Variants in KCNA2 observed in about 807,000 individuals in gnomAD.
KCNA2 encodes potassium channel, voltage gated shaker related subfamily A, member 2.
A neutral mutation model predicts 33.4 loss-of-function variants in KCNA2; 11 were observed. That is an observed-to-expected ratio of 0.33 (90% confidence interval 0.21 to 0.55). The LOEUF is 0.55. Among genes scored for constraint, KCNA2 ranks in the 20% least tolerant of loss-of-function variants. The pLI is 0.93. For missense variants in KCNA2, 291 were observed against 621.6 expected (o/e 0.47, Z 5.66); for synonymous variants, 222 against 231.3 (o/e 0.96, Z 0.37).
At chr1:110,610,439 CA>C, upstream of KCNA2, among the ~76,000 whole-genome samples, 1 of 152,320 alleles carries the variant, frequency 6.6e-6, no homozygotes, top group East Asian at 1.9e-4. Context: ...CACTCACTCA[CA>C]GGTAGGCAGG....
chr1:110,610,630 A>C (rs1225003995), upstream of KCNA2, among the ~76,000 whole-genome samples: 2 of 152,214 alleles, frequency 1.3e-5, no homozygotes, highest in African/African-American at 4.8e-5. Context: ...GTGTGACTTT[A>C]TAAGTCACCA....
upstream of KCNA2, among the ~76,000 whole-genome samples, chr1:110,611,018 GAGGAAGGAAGGAAGGA>G (rs59353690): frequency 0.13 from 18,183 of 144,196 alleles, 1,750 homozygotes; most frequent in East Asian, 0.36. Flanking sequence ...AAGACAGAAT[GAGGAAGGAAGGAAGGA>G]AGGAAGGAAG....
In KCNA2 at chr1:110,604,663, T is replaced by C. The variant is rs1570754076; in HGVS notation, c.120A>G (p.Ser40=). ...ECCERVVINI[S]GLRFETQLKT... is the part of the protein sequence containing the mutation. The stretch of plus-strand genomic sequence containing the variant: ...TTAGCTGGGTCTCAAACCGCAGCCC[T>C]GAGATGTTGATCACCACCCTCTCAC... The change falls in exon 3 of 3, where the codon TCA becomes TCG. Residue 40 remains serine (S), a synonymous_variant. Transcript: ENST00000316361. This position sits in a 1 kb window ranked among gnomAD's most constrained non-coding sequence, Gnocchi z 7.6. 6.2e-7 allele frequency: 1 copy of C among 1,614,232 alleles called. No homozygotes were observed. Among genetic ancestry groups the C allele is most frequent in the Non-Finnish European group, 8.5e-7 (1 of 1,180,034 alleles).
At position 110,603,994 on chromosome 1, in the gene KCNA2, G is replaced by T. The variant is rs2101399331; in HGVS notation, c.789C>A (p.Ile263=). ...NIMNIIDIVA[I]IPYFITLGTE... Reference sequence around the variant, plus strand: ...TCCCCAGGGTGATGAAGTAGGGGATGATGGCCACAATGTCAATGATGTTCA... The same window carrying T: ...TCCCCAGGGTGATGAAGTAGGGGATTATGGCCACAATGTCAATGATGTTCA... Residue 263 remains isoleucine (I), a synonymous_variant, in exon 3 of 3, where the codon ATC becomes ATA. Transcript: ENST00000316361. The surrounding 1 kb of genome is among the most constrained non-coding windows in gnomAD (Gnocchi z 5.7). 6.2e-7 allele frequency: 1 copy of T among 1,614,236 alleles called. No individual in the cohort carries two copies. The highest frequency in any genetic ancestry group is 8.5e-7 in the Non-Finnish European group (1 of 1,180,042).
intron 1 of KCNA2, among the ~76,000 whole-genome samples, chr1:110,618,206 G>C (rs889863315): frequency 2.0e-5 from 3 of 152,196 alleles, no homozygotes; most frequent in Non-Finnish European, 2.9e-5. Context: ...AATTATCTGG[G>C]CATGATGGCA....
chr1:110,602,923 T>G lies in KCNA2; in HGVS notation c.*360A>C. The G allele has an allele frequency of 9.5e-7, 1 of 1,050,362 alleles. No homozygotes were observed. The highest frequency in any genetic ancestry group is 1.1e-6 in the Non-Finnish European group (1 of 872,682). 65.1% of individuals were successfully genotyped at this position (1,050,362 alleles called of 1,614,324 possible). Reference sequence around the variant, plus strand: ...GGGCTCAAATAAGGTGGTGGGATGGTGGGGAGGGGAGTGCATCTCTTGGAT... The same window carrying G: ...GGGCTCAAATAAGGTGGTGGGATGGGGGGGAGGGGAGTGCATCTCTTGGAT... On this transcript the variant is annotated 3_prime_UTR_variant, in exon 3 of 3. Coordinates refer to ENST00000316361, the MANE Select transcript of KCNA2 (RefSeq NM_004974.4).
chr1:110,594,208 G>A lies in KCNA2; in HGVS notation c.*9075C>T, dbSNP rs1350385601. 3 of 1,160,984 alleles carry A rather than the reference G, an allele frequency of 2.6e-6. No individual in the cohort carries two copies. Among genetic ancestry groups the A allele is most frequent in the Non-Finnish European group, 3.2e-6 (3 of 940,506 alleles). The allele number at this position is 1,160,984 out of a possible 1,614,324, so 71.9% of individuals were successfully genotyped here. On this transcript the variant is annotated 3_prime_UTR_variant, in exon 3 of 3. Transcript: ENST00000316361. ...GCAGCTGAAGATTCATGCACAAGCA[G>A]CAAGGAAGCCAGTGCAAACCCTAAC... is the stretch of plus-strand genomic sequence containing the variant.
chr1:110,629,946 G>A lies in KCNA2; in HGVS notation c.-496+1449C>T, dbSNP rs1650504303. Among the ~76,000 whole-genome samples, 5 of 150,706 alleles carry A rather than the reference G, an allele frequency of 3.3e-5. 1 individual carries two copies. In the South Asian group the frequency reaches 1.0e-3, roughly 31 times the overall value. On this transcript the variant is annotated intron_variant, in intron 1 of 4. Coordinates refer to the KCNA2 transcript ENST00000369770. ...ATGCAGTGGTGGGTAGGTTTGACTGGAAGAAGCGTTTTTTTAAATCAAATG... is the reference window on the plus strand; with the variant it reads ...ATGCAGTGGTGGGTAGGTTTGACTGAAAGAAGCGTTTTTTTAAATCAAATG...
rs1649328135 is a variant in KCNA2 at position 110,601,173 on chromosome 1, G to A, written c.*2110C>T. ...TTGGTTCTTTTTAAAAAGCAGCTCT[G>A]GTTGCCAGTTTAATGGGGAGAGAGT... is the stretch of plus-strand genomic sequence containing the variant. On this transcript the variant is annotated 3_prime_UTR_variant, in exon 3 of 3. Transcript: ENST00000316361. 1.0e-6 allele frequency: 1 copy of A among 985,422 alleles called. No individual in the cohort carries two copies. The highest frequency in any genetic ancestry group is 1.7e-5 in the African/African-American group (1 of 57,318). 61.0% of individuals were successfully genotyped at this position (985,422 alleles called of 1,614,324 possible).
At position 110,602,971 on chromosome 1, in the gene KCNA2, G is replaced by T; in HGVS notation, c.*312C>A. The T allele has an allele frequency of 8.9e-7, 1 of 1,125,792 alleles. No individual in the cohort carries two copies. Among genetic ancestry groups the T allele is most frequent in the Non-Finnish European group, 1.1e-6 (1 of 920,594 alleles). The allele number at this position is 1,125,792 out of a possible 1,614,324, so 69.7% of individuals were successfully genotyped here. On this transcript the variant is annotated 3_prime_UTR_variant, in exon 3 of 3. Coordinates refer to ENST00000316361, the MANE Select transcript of KCNA2 (RefSeq NM_004974.4). Reference sequence around the variant, plus strand: ...GATGTTGTGTGCATTTCATTAGGAAGGAATGATGGCACTGATATGGTGCAC... The same window carrying T: ...GATGTTGTGTGCATTTCATTAGGAATGAATGATGGCACTGATATGGTGCAC...
rs1475900859 is a variant in KCNA2 at position 110,597,590 on chromosome 1, A to G, written c.*5693T>C. The G allele has an allele frequency of 4.1e-6, 4 of 985,440 alleles. No individual in the cohort carries two copies. In the South Asian group the frequency reaches 1.4e-4, roughly 35 times the overall value. 61.0% of individuals were successfully genotyped at this position (985,440 alleles called of 1,614,324 possible). On this transcript the variant is annotated 3_prime_UTR_variant, in exon 3 of 3. Transcript: ENST00000316361. ...CCTTGTGCATACACTGCATCTTAGCATATGTGTCCATTCCAGAAGGAGGTC... is the reference window on the plus strand; with the variant it reads ...CCTTGTGCATACACTGCATCTTAGCGTATGTGTCCATTCCAGAAGGAGGTC...
Position 110,600,592 on chromosome 1 carries a change from T to C in KCNA2, c.*2691A>G. On this transcript the variant is annotated 3_prime_UTR_variant, in exon 3 of 3. Transcript: ENST00000316361. ...GTGTGACAACAGTGTACCTATTTTGTGGTGAATGTGCATGACTGTATGTGA... is the reference window on the plus strand; with the variant it reads ...GTGTGACAACAGTGTACCTATTTTGCGGTGAATGTGCATGACTGTATGTGA... 1.0e-6 allele frequency: 1 copy of C among 985,422 alleles called. No homozygotes were observed. The highest frequency in any genetic ancestry group is 1.2e-6 in the Non-Finnish European group (1 of 829,924). The allele number at this position is 985,422 out of a possible 1,614,324, so 61.0% of individuals were successfully genotyped here.
At chr1:110,608,973 C>G (rs971544289), upstream of KCNA2, among the ~76,000 whole-genome samples, 3 of 152,168 alleles carry the variant, frequency 2.0e-5, no homozygotes, top group Admixed American at 6.5e-5. Flanking sequence ...TGGGGTGTTT[C>G]TCTAGGCTCC....
At chr1:110,618,424 C>G (rs144196352) in intron 1 of KCNA2, among the ~76,000 whole-genome samples, 2 of 152,286 alleles carry the variant, frequency 1.3e-5, no homozygotes, top group African/African-American at 4.8e-5. Context: ...CTGACCTTGC[C>G]GTCCAGTTAG....
intron 1 of KCNA2, among the ~76,000 whole-genome samples, chr1:110,631,006 A>G (rs777122895): frequency 6.6e-6 from 1 of 152,186 alleles, no homozygotes; most frequent in Non-Finnish European, 1.5e-5. Context: ...TCTCAAGCAC[A>G]GGTCTGGCCT....
Position 110,594,323 on chromosome 1 carries a change from G to T in KCNA2, c.*8960C>A, listed in dbSNP as rs4839531. 2 of 875,172 alleles carry T rather than the reference G, an allele frequency of 2.3e-6. No homozygotes were observed. Among genetic ancestry groups the T allele is most frequent in the Non-Finnish European group, 2.7e-6 (2 of 740,640 alleles). 54.2% of individuals were successfully genotyped at this position (875,172 alleles called of 1,614,324 possible). A position where few individuals can be genotyped will look rare whatever the true frequency, so the allele number is the denominator to read the frequency against. Reference sequence around the variant, plus strand: ...TATATATATACATATATATATATATGTGTGTGTATATATATATACACACAC... The same window carrying T: ...TATATATATACATATATATATATATTTGTGTGTATATATATATACACACAC... On this transcript the variant is annotated 3_prime_UTR_variant, in exon 3 of 3. Coordinates refer to ENST00000316361, the MANE Select transcript of KCNA2 (RefSeq NM_004974.4).
Position 110,604,087 on chromosome 1 carries a change from C to T in KCNA2, c.696G>A (p.Trp232Ter). The T allele has an allele frequency of 6.2e-7, 1 of 1,614,094 alleles. No individual in the cohort carries two copies. Residue 232 changes from tryptophan (W) to a stop codon, truncating the protein, a stop_gained, in exon 3 of 3, where the codon TGG (tryptophan) becomes TGA (stop). Coordinates refer to ENST00000316361, the MANE Select transcript of KCNA2 (RefSeq NM_004974.4). LOFTEE classifies it high-confidence loss of function. The surrounding 1 kb of genome is among the most constrained non-coding windows in gnomAD (Gnocchi z 7.6). ...ACCTCACCAAGAATTCAAAGGAGAACCAGATGATGCAGAGTGTCTCTACAA... is the reference window on the plus strand; with the variant it reads ...ACCTCACCAAGAATTCAAAGGAGAATCAGATGATGCAGAGTGTCTCTACAA... ...FFIVETLCII[W>*]FSFEFLVRFF... is the part of the protein sequence containing the mutation.
At chr1:110,619,499 C>G (rs1199002543) in intron 1 of KCNA2, among the ~76,000 whole-genome samples, 1 of 152,262 alleles carries the variant, frequency 6.6e-6, no homozygotes, top group East Asian at 1.9e-4. Flanking sequence ...GACAGACGCA[C>G]GAGCTGCCAC....
At position 110,594,514 on chromosome 1, in the gene KCNA2, A is replaced by G. The variant is rs1649012840; in HGVS notation, c.*8769T>C. 1.0e-6 allele frequency: 1 copy of G among 985,256 alleles called. No homozygotes were observed. Among genetic ancestry groups the G allele is most frequent in the Non-Finnish European group, 1.2e-6 (1 of 829,936 alleles). 61.0% of individuals were successfully genotyped at this position (985,256 alleles called of 1,614,324 possible). On this transcript the variant is annotated 3_prime_UTR_variant, in exon 3 of 3. Transcript: ENST00000316361. ...GGCACCATTAATCGCAACTGTTCCA[A>G]GATTATCCTTAGTGGAGAGAGGGGT... is the stretch of plus-strand genomic sequence containing the variant.
Sources: allele counts gnomAD v4.1 joint callset (sites outside exome capture counted in the v4.1 genomes callset), GRCh38; gene constraint gnomAD v4.1.1; non-coding constraint Gnocchi (gnomAD v3.1); transcripts MANE v1.5; gene names NCBI Gene and HGNC (gene_info 2026-07-23, HGNC 2026-07-21).